The following SPOCK1 variants were observed in gnomAD, a reference collection of about 807,000 sequenced individuals.
SPOCK1 encodes the protein testican-1.
A neutral mutation model predicts 55.3 loss-of-function variants in SPOCK1; 23 were observed. The observed-to-expected ratio is 0.42, with a 90% CI of 0.30 to 0.59. The LOEUF (loss-of-function observed/expected upper bound fraction) is 0.59. Among genes scored for constraint, SPOCK1 ranks in the 20% least tolerant of loss-of-function variants. The pLI is 0.22. For synonymous variants in SPOCK1, 226 were observed against 221.0 expected (o/e 1.02, Z -0.20); for missense variants, 499 against 552.5 (o/e 0.90, Z 0.97).
chr5:137,235,398 T>A (rs1756158993), intron 3 of SPOCK1, among the ~76,000 whole-genome samples: 1 of 152,186 alleles, frequency 6.6e-6, no homozygotes, highest in Admixed American at 6.5e-5. Flanking sequence ...AAGTAGAACC[T>A]CTGTAAAATA....
At chr5:137,222,197 G>A (rs777208051) in intron 3 of SPOCK1, among the ~76,000 whole-genome samples, 1 of 152,166 alleles carries the variant, frequency 6.6e-6, no homozygotes, top group East Asian at 1.9e-4. Context: ...GGCTGCCTGG[G>A]CAAATCCAGA....
intron 9 of SPOCK1, among the ~76,000 whole-genome samples, chr5:136,984,660 T>C (rs940700087): frequency 6.6e-6 from 1 of 152,194 alleles, no homozygotes; most frequent in Non-Finnish European, 1.5e-5. Context: ...CTGGAGGGAT[T>C]AGGTGAAGGT....
At chr5:137,433,236 T>C (rs1218298944) in intron 2 of SPOCK1, among the ~76,000 whole-genome samples, 5 of 152,286 alleles carry the variant, frequency 3.3e-5, no homozygotes, top group Middle Eastern at 3.4e-3. Context: ...GAAGGAGTGT[T>C]ACAGATGATT....
intron 5 of SPOCK1, among the ~76,000 whole-genome samples, chr5:137,106,115 C>A (rs1004198277): frequency 6.6e-6 from 1 of 151,364 alleles, no homozygotes; most frequent in Non-Finnish European, 1.5e-5. Flanking sequence ...CAATTAGACA[C>A]CCCCACCCCC....
At chr5:137,348,020 G>A (rs1750597645) in intron 2 of SPOCK1, among the ~76,000 whole-genome samples, 2 of 152,184 alleles carry the variant, frequency 1.3e-5, no homozygotes. Context: ...CCAGCTCTCA[G>A]GTGATGCTGC....
chr5:137,024,314 A>AGGCGGGGGGGGGG (rs71583270), intron 6 of SPOCK1, among the ~76,000 whole-genome samples: 1 of 119,188 alleles, frequency 8.4e-6, no homozygotes, highest in African/African-American at 3.2e-5. Context: ...ACCAGTTTGA[A>AGGCGGGGGGGGGG]GGGGGGGGGG....
At chr5:137,464,459 T>A (rs542020213) in intron 2 of SPOCK1, among the ~76,000 whole-genome samples, 10 of 151,732 alleles carry the variant, frequency 6.6e-5, no homozygotes, top group African/African-American at 2.4e-4. Flanking sequence ...AATTATAATT[T>A]AAAAAAAATT....
At chr5:137,006,072 T>C (rs939441911) in intron 6 of SPOCK1, among the ~76,000 whole-genome samples, 1 of 152,214 alleles carries the variant, frequency 6.6e-6, no homozygotes, top group Non-Finnish European at 1.5e-5. Flanking sequence ...ACATGTCTGT[T>C]CTGGTACCAG....
At chr5:137,096,430 C>T (rs762856995) in intron 5 of SPOCK1, among the ~76,000 whole-genome samples, 4 of 152,192 alleles carry the variant, frequency 2.6e-5, no homozygotes, top group East Asian at 1.9e-4. Flanking sequence ...CAGCCCTCCA[C>T]CTCATCCCAC....
intron 2 of SPOCK1, among the ~76,000 whole-genome samples, chr5:137,378,586 G>C (rs1751383079): frequency 6.6e-6 from 1 of 152,242 alleles, no homozygotes; most frequent in Admixed American, 6.5e-5. Context: ...CTGAGCCAGA[G>C]AGGAGCCTAA....
At chr5:136,988,035 G>T (rs966742296) in intron 8 of SPOCK1, among the ~76,000 whole-genome samples, 1 of 152,124 alleles carries the variant, frequency 6.6e-6, no homozygotes. Flanking sequence ...ACTGACAAGT[G>T]ACTTTCTCAA....
intron 2 of SPOCK1, among the ~76,000 whole-genome samples, chr5:137,325,108 G>T (rs556165202): frequency 2.0e-5 from 3 of 152,248 alleles, no homozygotes; most frequent in Admixed American, 6.5e-5. Context: ...CTGTCTTTCC[G>T]AGAGGAAAGG....
chr5:137,128,489 A>G (rs990376971), intron 4 of SPOCK1, among the ~76,000 whole-genome samples: 1 of 152,234 alleles, frequency 6.6e-6, no homozygotes, highest in African/African-American at 2.4e-5. Context: ...TTGAGTGCCT[A>G]CTATGTACTG....
At chr5:137,288,898 T>C (rs538973252) in intron 2 of SPOCK1, among the ~76,000 whole-genome samples, 1 of 152,230 alleles carries the variant, frequency 6.6e-6, no homozygotes, top group South Asian at 2.1e-4. Context: ...CAATTTTTCC[T>C]CAGTACTGAA....
intron 2 of SPOCK1, among the ~76,000 whole-genome samples, chr5:137,470,345 C>T (rs1753710260): frequency 6.6e-6 from 1 of 152,158 alleles, no homozygotes; most frequent in African/African-American, 2.4e-5. Flanking sequence ...GAAAAGAGGT[C>T]AGTCAAGCTC....
At chr5:137,036,433 GCTCT>G (rs199580537) in intron 6 of SPOCK1, among the ~76,000 whole-genome samples, 2,545 of 152,182 alleles carry the variant, frequency 0.017, 31 homozygotes, top group Non-Finnish European at 0.026. Flanking sequence ...TCCTCCCTAA[GCTCT>G]CTCTACTTTC....
chr5:137,378,493 CA>C (rs1470903610), intron 2 of SPOCK1, among the ~76,000 whole-genome samples: 1 of 152,246 alleles, frequency 6.6e-6, no homozygotes, highest in African/African-American at 2.4e-5. Flanking sequence ...TAACTTGTCT[CA>C]CACATGGATG....
intron 2 of SPOCK1, among the ~76,000 whole-genome samples, chr5:137,414,368 C>A (rs1245000954): frequency 6.6e-6 from 1 of 152,152 alleles, no homozygotes; most frequent in African/African-American, 2.4e-5. Context: ...GAGCCATCTG[C>A]AGGAAAATGT....
intron 2 of SPOCK1, among the ~76,000 whole-genome samples, chr5:137,314,985 A>T (rs1757851860): frequency 6.6e-6 from 1 of 152,196 alleles, no homozygotes. Flanking sequence ...CATTTGAAAG[A>T]GTGGCTGTAT....
Sources: gnomAD v4.1 joint callset for allele counts (sites outside exome capture counted in the v4.1 genomes callset) on GRCh38, gnomAD v4.1.1 for gene constraint, MANE v1.5 for transcripts, NCBI Gene and HGNC (gene_info 2026-07-23, HGNC 2026-07-21) for gene names.